Variants in ATP7A observed in about 807,000 individuals in gnomAD.
ATP7A encodes copper-transporting ATPase 1.
ATP7A carries 7 observed loss-of-function variants against 83.5 expected under a neutral mutation model. The observed-to-expected ratio is 0.08, with a 90% CI of 0.05 to 0.16. The LOEUF (loss-of-function observed/expected upper bound fraction) is 0.16. Ranked by LOEUF, ATP7A falls within the 10% of genes least tolerant of loss-of-function variation. The probability of loss-of-function intolerance (pLI) is 1.00; values close to 1 mark genes in which losing one functional copy is unlikely to be tolerated. For synonymous variants in ATP7A, 354 were observed against 395.2 expected, an observed-to-expected ratio of 0.90 and a Z score of 1.24; for missense variants, 940 against 1,120.8, an observed-to-expected ratio of 0.84 and a Z score of 2.30.
At chrX:77,941,768 C>G (rs573523990) in intron 1 of ATP7A, among the ~76,000 whole-genome samples, 36 of 111,302 alleles carry the variant, frequency 3.2e-4, no homozygotes, top group African/African-American at 1.1e-3. Context: ...CTTAAAAGCT[C>G]TGTTGATTGT....
intron 21 of ATP7A, among the ~76,000 whole-genome samples, chrX:78,043,985 A>G (rs1187174923): frequency 9.4e-6 from 1 of 106,428 alleles, no homozygotes; most frequent in Non-Finnish European, 1.9e-5. Flanking sequence ...AAAAATTTCA[A>G]ACTTGACACC....
chrX:77,951,054 G>C (rs1569549087), intron 1 of ATP7A, among the ~76,000 whole-genome samples: 1 of 111,304 alleles, frequency 9.0e-6, no homozygotes, highest in Non-Finnish European at 1.9e-5. Flanking sequence ...ATTTAAAAAA[G>C]TCAAATTCAG....
chrX:78,007,834 T>G (rs1557233909), intron 6 of ATP7A, among the ~76,000 whole-genome samples: 1 of 112,096 alleles, frequency 8.9e-6, no homozygotes, highest in Non-Finnish European at 1.9e-5. Flanking sequence ...TTATGAGGTA[T>G]ATGAGACGTT....
At chrX:77,966,843 A>G (rs782348412) in intron 1 of ATP7A, 40 of 327,860 alleles carry the variant, frequency 1.2e-4, no homozygotes, top group South Asian at 9.4e-4. Context: ...TTACGTAGGT[A>G]CATGTGTGCT....
At chrX:77,930,248 C>T (rs1259946078) in intron 1 of ATP7A, among the ~76,000 whole-genome samples, 1 of 111,275 alleles carries the variant, frequency 9.0e-6, no homozygotes, top group Non-Finnish European at 1.9e-5. Context: ...TAGTTTTTCT[C>T]AGGAGACCAG....
intron 2 of ATP7A, among the ~76,000 whole-genome samples, chrX:77,982,346 A>T (rs782728092): frequency 1.8e-5 from 2 of 112,151 alleles, no homozygotes; most frequent in South Asian, 7.3e-4. Flanking sequence ...CAGCATGCTA[A>T]CCTGAATTTA....
chrX:77,991,977 G>A (rs1307771838), intron 4 of ATP7A, among the ~76,000 whole-genome samples: 2 of 110,112 alleles, frequency 1.8e-5, no homozygotes, highest in African/African-American at 6.6e-5. Flanking sequence ...AGCCGTGATC[G>A]TGTCACTGTA....
intron 1 of ATP7A, among the ~76,000 whole-genome samples, chrX:77,958,730 G>T (rs1362485850): frequency 9.1e-6 from 1 of 109,305 alleles, no homozygotes; most frequent in African/African-American, 3.3e-5. Flanking sequence ...CATGAACATG[G>T]GATAGCTTTT....
In ATP7A at chrX:78,015,798, T is replaced by A; in HGVS notation, c.2543T>A (p.Ile848Asn). The A allele has an allele frequency of 8.3e-7, 1 of 1,211,558 alleles. No homozygotes were observed. The highest frequency in any genetic ancestry group is 1.1e-6 in the Non-Finnish European group (1 of 895,194). ...DVELVQRGDI[I>N]KVVPGGKFPV... is the part of the protein sequence containing the mutation. The stretch of plus-strand genomic sequence containing the variant: ...GAACTTGTACAACGTGGAGATATCA[T>A]TAAAGTAGTTCCAGGAGGCAAATTT... The change falls in exon 12 of 23, where the codon ATT becomes AAT. Residue 848 changes from isoleucine to asparagine, a missense_variant. Physicochemically the swap from Ile to Asn is moderately radical, Grantham distance 149. Around this residue, in one of 3 missense-constraint regions of ATP7A, gnomAD observed 386 missense variants for 502.2 expected, o/e 0.77. Coordinates refer to ENST00000341514, the MANE Select transcript of ATP7A (RefSeq NM_000052.7).
chrX:77,994,262 C>T lies in ATP7A; in HGVS notation c.1337-4216C>T, dbSNP rs782093954. Among the ~76,000 whole-genome samples the T allele has an allele frequency of 6.3e-5, 7 of 110,724 alleles. No homozygotes were observed. The East Asian group carries it at 1.4e-3, about 22-fold the overall frequency. On this transcript the variant is annotated intron_variant, in intron 4 of 22. Coordinates refer to ENST00000341514, the MANE Select transcript of ATP7A (RefSeq NM_000052.7). ...TGTATTTTTAGTAGAGACAGGGTTT[C>T]GCCTTGTTGGCCAGGCTGGTCTTGA... is the stretch of plus-strand genomic sequence containing the variant.
At chrX:77,932,385 A>G (rs1425268641) in intron 1 of ATP7A, among the ~76,000 whole-genome samples, 1 of 79,867 alleles carries the variant, frequency 1.3e-5, no homozygotes, top group Admixed American at 1.4e-4. Context: ...CCTAGATGGG[A>G]TGGCGGCCGG....
rs113665704 is a variant in ATP7A at position 77,972,089 on chromosome X, G to C, written c.120+328G>C. Among the ~76,000 whole-genome samples the C allele has an allele frequency of 0.052, 5,819 of 111,261 alleles. 396 individuals are homozygous for C. The highest frequency in any genetic ancestry group is 0.18 in the African/African-American group (5,541 of 30,521). On this transcript the variant is annotated intron_variant, in intron 2 of 22. Coordinates refer to ENST00000341514, the MANE Select transcript of ATP7A (RefSeq NM_000052.7). Reference sequence around the variant, plus strand: ...ACTGAACTAAAATGTATGTTTTCAGGGGATGGGTTAGGGTTTTCTTTTTCT... The same window carrying C: ...ACTGAACTAAAATGTATGTTTTCAGCGGATGGGTTAGGGTTTTCTTTTTCT...
At position 77,957,789 on chromosome X, in the gene ATP7A, C is replaced by A. The variant is rs189852364; in HGVS notation, c.-21-13832C>A. Among the ~76,000 whole-genome samples the A allele has an allele frequency of 6.3e-5, 7 of 110,698 alleles. No individual in the cohort carries two copies. The East Asian group carries it at 2.0e-3, about 32-fold the overall frequency. On this transcript the variant is annotated intron_variant, in intron 1 of 22. Transcript: ENST00000341514. The stretch of plus-strand genomic sequence containing the variant: ...CAGATTTTATATTTAAGCATTTAAT[C>A]CATTTTGAGTAGATTTTTGTATATG...
At chrX:77,986,719 G>A (rs1557231399) in intron 2 of ATP7A, among the ~76,000 whole-genome samples, 1 of 111,072 alleles carries the variant, frequency 9.0e-6, no homozygotes, top group East Asian at 2.8e-4. Flanking sequence ...TTTTATCTTT[G>A]CCCCCAGTAT....
chrX:77,966,212 A>G (rs1377925017), intron 1 of ATP7A, among the ~76,000 whole-genome samples: 1 of 112,432 alleles, frequency 8.9e-6, no homozygotes, highest in East Asian at 2.8e-4. Context: ...CCACATGTAA[A>G]ACAATGTATG....
At chrX:77,912,067 A>G (rs1343129123) in intron 1 of ATP7A, among the ~76,000 whole-genome samples, 1 of 112,641 alleles carries the variant, frequency 8.9e-6, no homozygotes, top group Non-Finnish European at 1.9e-5. Flanking sequence ...GTTGCTTATC[A>G]CATCCTTTTC....
At chrX:77,929,392 C>A (rs1436848841) in intron 1 of ATP7A, among the ~76,000 whole-genome samples, 10 of 111,236 alleles carry the variant, frequency 9.0e-5, no homozygotes, top group Non-Finnish European at 1.9e-4. Context: ...AGGCTGTATT[C>A]TTTTCAGACA....
At chrX:77,975,351 AT>A (rs1569549432) in intron 2 of ATP7A, among the ~76,000 whole-genome samples, 1 of 109,618 alleles carries the variant, frequency 9.1e-6, no homozygotes, top group South Asian at 3.9e-4. Context: ...TTTTGAACAT[AT>A]TTTTTTCTCA....
At chrX:78,009,439 C>G in intron 7 of ATP7A, 176 bp downstream of exon 7, 1 of 556,177 alleles carries the variant, frequency 1.8e-6, no homozygotes, top group Non-Finnish European at 3.0e-6. Flanking sequence ...TTTTTTTGGT[C>G]TTTTTCAGGA....
Sources: allele counts gnomAD v4.1 joint callset (sites outside exome capture counted in the v4.1 genomes callset), GRCh38; gene constraint gnomAD v4.1.1; regional missense constraint gnomAD v4.1.1; transcripts MANE v1.5; gene names NCBI Gene and HGNC (gene_info 2026-07-23, HGNC 2026-07-21).